Variants in MYLK3 observed in about 807,000 individuals in gnomAD.
MYLK3 encodes the protein MLC kinase.
Under a neutral mutation model 76.3 loss-of-function variants are expected in MYLK3, and 55 were observed. The ratio of observed to expected loss-of-function variants is 0.72; its 90% CI spans 0.58 to 0.90. The LOEUF is 0.90. Among genes scored for constraint, MYLK3 ranks in the 40% least tolerant of loss-of-function variants. MYLK3 has a pLI of 0.00. For synonymous variants in MYLK3, 416 were observed against 425.4 expected (o/e 0.98, Z 0.27); for missense variants, 973 against 1,053.6 (o/e 0.92, Z 1.06).
chr16:46,733,706 G>A (rs1425792121), intron 3 of MYLK3, among the ~76,000 whole-genome samples: 1 of 152,066 alleles, frequency 6.6e-6, no homozygotes. Flanking sequence ...CTCTTGGTGG[G>A]GCTTCTTTTT....
In MYLK3 at chr16:46,703,767, A is replaced by G. The variant is rs1966599030; in HGVS notation, c.*3937T>C. On this transcript the variant is annotated 3_prime_UTR_variant, in exon 13 of 13. Transcript: ENST00000394809. ...TTGGAGGGAAATTGTTTCTCTAGGT[A>G]AGGAATAACAGCATAAAGGGAAAAA... The G allele has an allele frequency of 6.5e-6, 1 of 153,770 alleles. No individual in the cohort carries two copies. The allele number at this position is 153,770 out of a possible 1,614,324, so 9.5% of individuals were successfully genotyped here. A position where few individuals can be genotyped will look rare whatever the true frequency, so the allele number is the denominator to read the frequency against.
In MYLK3 at chr16:46,732,231, G is replaced by A; in HGVS notation, c.1439C>T (p.Ala480Val). The part of the protein sequence containing the change: ...AEAVRRMPPG[A>V]EAGSVVLDDS... The stretch of plus-strand genomic sequence containing the variant: ...ACCCAGAACCACGCTGCCAGCCTCG[G>A]CGCCTGGGGGCATCCTCCTTACTGC... Residue 480 changes from alanine (A) to valine (V), a missense_variant, in exon 4 of 13, where the codon GCC becomes GTC. Physicochemically the swap from Ala to Val is moderately conservative, Grantham distance 64. Coordinates refer to ENST00000394809, the MANE Select transcript of MYLK3 (RefSeq NM_182493.3). The A allele has an allele frequency of 6.3e-7, 1 of 1,591,522 alleles. No homozygotes were observed. The highest frequency in any genetic ancestry group is 1.1e-5 in the South Asian group (1 of 90,650).
At chr16:46,736,340 G>A (rs1159964285) in intron 3 of MYLK3, among the ~76,000 whole-genome samples, 12 of 152,198 alleles carry the variant, frequency 7.9e-5, no homozygotes, top group South Asian at 2.1e-4. Context: ...GCCATGGCCC[G>A]TCAGAGCTGA....
At chr16:46,729,713 G>C (rs1305309427) in intron 5 of MYLK3, 26 bp from the exon 6 acceptor site, 1 of 1,604,942 alleles carries the variant, frequency 6.2e-7, no homozygotes, top group East Asian at 2.2e-5. Context: ...CACACGGCAG[G>C]CTGAGAGCCC....
At chr16:46,743,150 G>C (rs1966962210) in intron 1 of MYLK3, among the ~76,000 whole-genome samples, 1 of 152,184 alleles carries the variant, frequency 6.6e-6, no homozygotes, top group Admixed American at 6.5e-5. Context: ...TATGCCTGGG[G>C]CTGTTTTCCA....
At position 46,748,077 on chromosome 16, in the gene MYLK3, G is replaced by T. The variant is rs756171822; in HGVS notation, c.117C>A (p.Leu39=). The T allele has an allele frequency of 1.9e-6, 3 of 1,614,256 alleles. No individual in the cohort carries two copies. The East Asian group carries it at 6.7e-5, about 36-fold the overall frequency. The part of the protein sequence containing the change: ...LNMLNEKVDQ[L]LHFQEDVTEK... ...CTGTGACATCTTCTTGGAAGTGCAG[G>T]AGCTGGTCCACCTTCTCGTTCAGCA... The change falls in exon 1 of 13, where the codon CTC becomes CTA. Residue 39 remains leucine, a synonymous_variant. Transcript: ENST00000394809. This position sits in a 1 kb window ranked among gnomAD's most constrained non-coding sequence, Gnocchi z 4.3.
chr16:46,728,159 A>G (rs889349185), intron 7 of MYLK3, among the ~76,000 whole-genome samples: 11 of 152,204 alleles, frequency 7.2e-5, no homozygotes, highest in African/African-American at 2.7e-4. Flanking sequence ...CTCTGCCCAT[A>G]AGGAAAACAG....
chr16:46,711,194 A>C (rs915404994), intron 10 of MYLK3, among the ~76,000 whole-genome samples: 2 of 152,194 alleles, frequency 1.3e-5, no homozygotes, highest in East Asian at 3.9e-4. Flanking sequence ...AAGCCAAAGG[A>C]AAATGGGCTT....
At chr16:46,723,599 A>C (rs1555469863) in intron 8 of MYLK3, among the ~76,000 whole-genome samples, 1 of 150,464 alleles carries the variant, frequency 6.6e-6, no homozygotes, top group Non-Finnish European at 1.5e-5. Context: ...ACATTTTACA[A>C]CCCCACCAGC....
intron 9 of MYLK3, among the ~76,000 whole-genome samples, chr16:46,713,026 A>T (rs978823706): frequency 6.6e-6 from 1 of 152,168 alleles, no homozygotes; most frequent in Non-Finnish European, 1.5e-5. Context: ...TGCTTCTTTC[A>T]GTAGTCAAAT....
chr16:46,733,853 A>G (rs1966857888), intron 3 of MYLK3, among the ~76,000 whole-genome samples: 1 of 152,200 alleles, frequency 6.6e-6, no homozygotes, highest in African/African-American at 2.4e-5. Context: ...GTTGCTGGAC[A>G]GCTTTGGATA....
rs1009906918 is a variant in MYLK3 at position 46,727,366 on chromosome 16, C to A, written c.1784G>T (p.Gly595Val). ...CTLVMEYVDG[G>V]ELFDRITDEK... ...ATCTGTGATCCGGTCGAAGAGCTCA[C>A]CCCCGTCCACGCTGCCAGAGCAAAG... The change falls in exon 8 of 13, where the codon GGT becomes GTT. Residue 595 changes from glycine (G) to valine (V), a missense_variant. By Grantham distance (109) the Gly-to-Val change is moderately radical (BLOSUM62 -3). Around this residue, in one of 2 missense-constraint regions of MYLK3, gnomAD observed 332 missense variants for 416.6 expected, o/e 0.80. Coordinates refer to ENST00000394809, the MANE Select transcript of MYLK3 (RefSeq NM_182493.3). The A allele has an allele frequency of 6.2e-7, 1 of 1,608,782 alleles. No homozygotes were observed. Among genetic ancestry groups the A allele is most frequent in the African/African-American group, 1.3e-5 (1 of 74,858 alleles).
At chr16:46,720,673 C>T (rs1371984650) in intron 9 of MYLK3, among the ~76,000 whole-genome samples, 1 of 152,102 alleles carries the variant, frequency 6.6e-6, no homozygotes, top group Non-Finnish European at 1.5e-5. Context: ...GTTACAGAAA[C>T]ACCTACCCAT....
intron 8 of MYLK3, among the ~76,000 whole-genome samples, chr16:46,725,438 G>A (rs1966839073): frequency 6.6e-6 from 1 of 152,176 alleles, no homozygotes; most frequent in Non-Finnish European, 1.5e-5. Context: ...CCGTTATCAG[G>A]TTGAGGAAGT....
intron 12 of MYLK3, 69 bp from the exon 13 acceptor site, chr16:46,707,832 CAAT>C: frequency 8.3e-7 from 1 of 1,197,796 alleles, no homozygotes; most frequent in Non-Finnish European, 1.2e-6. Context: ...TATGAAGAAA[CAAT>C]AAAAGGATTT....
intron 3 of MYLK3, among the ~76,000 whole-genome samples, chr16:46,735,753 G>A (rs1422735086): frequency 1.3e-5 from 2 of 152,196 alleles, no homozygotes; most frequent in African/African-American, 4.8e-5. Flanking sequence ...CAGGCCTCCT[G>A]CCAGACCAAG....
Position 46,739,965 on chromosome 16 carries a change from C to G in MYLK3, c.568+92G>C, listed in dbSNP as rs1966902406. Reference sequence around the variant, plus strand: ...AAAAAAAGAAGCTTTGACAGTTGCCCAGGAATCATACTGTGGGCCGTGTTG... The same window carrying G: ...AAAAAAAGAAGCTTTGACAGTTGCCGAGGAATCATACTGTGGGCCGTGTTG... On this transcript the variant is annotated intron_variant, in intron 2 of 12. Transcript: ENST00000394809. The G allele has an allele frequency of 5.6e-6, 5 of 891,068 alleles. No individual in the cohort carries two copies. The Admixed American group carries it at 9.5e-5, about 17-fold the overall frequency. 55.2% of individuals were successfully genotyped at this position (891,068 alleles called of 1,614,324 possible). A position where few individuals can be genotyped will look rare whatever the true frequency, so the allele number is the denominator to read the frequency against.
At chr16:46,711,077 A>G in intron 10 of MYLK3, 1 of 417,328 alleles carries the variant, frequency 2.4e-6, no homozygotes, top group Non-Finnish European at 4.4e-6. Flanking sequence ...TTAGGGCCCA[A>G]CTTGGTATGC....
At chr16:46,748,825 GTTTAGACT>G (rs1158152716), upstream of MYLK3, among the ~76,000 whole-genome samples, 1 of 152,206 alleles carries the variant, frequency 6.6e-6, no homozygotes, top group African/African-American at 2.4e-5. This position sits in a 1 kb window ranked among gnomAD's most constrained non-coding sequence, Gnocchi z 4.3. Flanking sequence ...CAGAACATGT[GTTTAGACT>G]GTCTGTGGGG....
Sources: gnomAD v4.1 joint callset for allele counts (sites outside exome capture counted in the v4.1 genomes callset) on GRCh38, gnomAD v4.1.1 for gene constraint, gnomAD v4.1.1 regional missense constraint, Gnocchi (gnomAD v3.1) non-coding constraint, MANE v1.5 for transcripts, NCBI Gene and HGNC (gene_info 2026-07-23, HGNC 2026-07-21) for gene names.